WDPCP: variants seen among roughly 807,000 people sequenced by gnomAD.
WDPCP encodes WD repeat containing planar cell polarity effector.
Under a neutral mutation model 93.1 loss-of-function variants are expected in WDPCP, and 71 were observed. The observed-to-expected ratio is 0.76, with a 90% CI of 0.63 to 0.93. The LOEUF is 0.93. WDPCP is among the 40% of genes least tolerant of loss of function. The probability of loss-of-function intolerance (pLI) is 0.00; values close to 1 mark genes in which losing one functional copy is unlikely to be tolerated. For synonymous variants in WDPCP, 315 were observed against 315.0 expected (o/e 1.00, Z 0.00); for missense variants, 844 against 887.4 (o/e 0.95, Z 0.62).
At chr2:63,386,932 G>C (rs1692780474) in intron 10 of WDPCP, among the ~76,000 whole-genome samples, 1 of 151,996 alleles carries the variant, frequency 6.6e-6, no homozygotes, top group African/African-American at 2.4e-5. Context: ...TGTCAAGATT[G>C]AATCAGGAAG....
chr2:63,796,598 A>G (rs899778149), intron 2 of WDPCP, among the ~76,000 whole-genome samples: 27 of 152,256 alleles, frequency 1.8e-4, no homozygotes, highest in Admixed American at 5.9e-4. Flanking sequence ...AATGGAACTC[A>G]GTGCTGCCCT....
At chr2:63,474,235 G>T (rs1699843512) in intron 6 of WDPCP, among the ~76,000 whole-genome samples, 1 of 152,024 alleles carries the variant, frequency 6.6e-6, no homozygotes, top group African/African-American at 2.4e-5. Flanking sequence ...GAGGTAACTA[G>T]AATTGTGTCT....
intron 14 of WDPCP, among the ~76,000 whole-genome samples, chr2:63,206,545 T>C (rs1676346393): frequency 6.6e-6 from 1 of 152,078 alleles, no homozygotes; most frequent in South Asian, 2.1e-4. Flanking sequence ...CTTGACCTCC[T>C]GGACTCATGC....
chr2:63,524,107 A>G (rs1703145192), intron 1 of WDPCP, among the ~76,000 whole-genome samples: 1 of 152,158 alleles, frequency 6.6e-6, no homozygotes, highest in African/African-American at 2.4e-5. Flanking sequence ...TCTCAAACAA[A>G]TCAGAGATGA....
chr2:63,470,174 T>C (rs886237676), intron 6 of WDPCP, among the ~76,000 whole-genome samples: 17 of 152,228 alleles, frequency 1.1e-4, no homozygotes, highest in Admixed American at 1.1e-3. Flanking sequence ...CCTCTGTTTC[T>C]CTGTCTACAC....
At chr2:63,633,159 A>G (rs139225846) in intron 3 of WDPCP, among the ~76,000 whole-genome samples, 1 of 152,354 alleles carries the variant, frequency 6.6e-6, no homozygotes, top group East Asian at 1.9e-4. Context: ...AGAGAAAGAC[A>G]TTCCCAGACA....
chr2:63,593,332 G>A (rs1709238516), upstream of WDPCP: 6 of 285,676 alleles, frequency 2.1e-5, no homozygotes, highest in South Asian at 2.2e-4. Context: ...AACCTCAGGT[G>A]ATCCGCCTGC....
At chr2:63,449,283 TCA>T (rs747998275) in intron 6 of WDPCP, among the ~76,000 whole-genome samples, 1 of 152,164 alleles carries the variant, frequency 6.6e-6, no homozygotes, top group Non-Finnish European at 1.5e-5. Context: ...AATTAGATGG[TCA>T]CACAATAAAT....
chr2:63,782,825 C>T (rs538514959), intron 2 of WDPCP, among the ~76,000 whole-genome samples: 1 of 151,014 alleles, frequency 6.6e-6, no homozygotes, highest in Non-Finnish European at 1.5e-5. Flanking sequence ...AACCTGGAGC[C>T]ATCACATTCC....
intron 1 of WDPCP, among the ~76,000 whole-genome samples, chr2:63,564,778 CTTTT>C (rs10713306): frequency 7.4e-5 from 9 of 122,296 alleles, no homozygotes; most frequent in Admixed American, 8.2e-5. Context: ...AAAACTGCAC[CTTTT>C]TTTTTTTTTT....
intron 12 of WDPCP, among the ~76,000 whole-genome samples, chr2:63,325,441 G>A (rs938766666): frequency 7.2e-5 from 11 of 152,150 alleles, no homozygotes; most frequent in African/African-American, 2.7e-4. Context: ...TCGGGAAAGC[G>A]CCAGCTCATG....
chr2:63,242,535 T>C (rs568431059), intron 14 of WDPCP, among the ~76,000 whole-genome samples: 50 of 152,300 alleles, frequency 3.3e-4, no homozygotes, highest in African/African-American at 1.2e-3. Context: ...GGCAGGAGGA[T>C]TGCTTGTGCC....
chr2:63,454,101 A>T (rs1449791340), intron 6 of WDPCP, among the ~76,000 whole-genome samples: 1 of 151,442 alleles, frequency 6.6e-6, no homozygotes. Flanking sequence ...AACTTAAAGT[A>T]TAATAAAAAT....
chr2:63,588,668 T>A (rs907259783), upstream of WDPCP: 10 of 469,432 alleles, frequency 2.1e-5, no homozygotes, highest in Non-Finnish European at 3.9e-5. Context: ...ACACACGCTA[T>A]CTCTCCCGCC....
At chr2:63,624,938 T>G (rs540516186) in intron 3 of WDPCP, among the ~76,000 whole-genome samples, 2 of 152,170 alleles carry the variant, frequency 1.3e-5, no homozygotes, top group Non-Finnish European at 2.9e-5. Flanking sequence ...AAAACAATAC[T>G]GGCAAACCAA....
intron 12 of WDPCP, among the ~76,000 whole-genome samples, chr2:63,364,438 A>G (rs1690736203): frequency 2.0e-5 from 3 of 152,142 alleles, no homozygotes; most frequent in South Asian, 2.1e-4. Flanking sequence ...TATCAAATAC[A>G]TATTTCTAAT....
intron 1 of WDPCP, among the ~76,000 whole-genome samples, chr2:63,525,400 A>C (rs1457957364): frequency 1.3e-5 from 2 of 152,176 alleles, no homozygotes; most frequent in Non-Finnish European, 2.9e-5. Context: ...CCTAAAATAA[A>C]ATTTAAAAAA....
At chr2:63,197,971 T>A (rs1675585343) in intron 14 of WDPCP, among the ~76,000 whole-genome samples, 1 of 152,210 alleles carries the variant, frequency 6.6e-6, no homozygotes, top group Non-Finnish European at 1.5e-5. Flanking sequence ...AATGTGAACA[T>A]CTCTCAGGGG....
chr2:63,337,300 T>A (rs1688452747), intron 12 of WDPCP, among the ~76,000 whole-genome samples: 1 of 137,672 alleles, frequency 7.3e-6, no homozygotes, highest in Admixed American at 7.7e-5. Context: ...TCCATCCACG[T>A]CGTAGCAAGT....
Sources: allele counts gnomAD v4.1 joint callset (sites outside exome capture counted in the v4.1 genomes callset), GRCh38; gene constraint gnomAD v4.1.1; transcripts MANE v1.5; gene names NCBI Gene and HGNC (gene_info 2026-07-23, HGNC 2026-07-21).